ATAD2B: variants seen among roughly 807,000 people sequenced by gnomAD.
The protein encoded by ATAD2B is ATPase family AAA domain-containing protein 2B.
In ATAD2B, 40 loss-of-function variants were observed where a neutral mutation model predicts 167.6. The ratio of observed to expected loss-of-function variants is 0.24; its 90% CI spans 0.19 to 0.31. ATAD2B has a LOEUF of 0.31. Ranked by LOEUF, ATAD2B falls within the 10% of genes least tolerant of loss-of-function variation. The pLI, the probability that ATAD2B is intolerant of heterozygous loss-of-function variation, is 1.00. For synonymous variants in ATAD2B, 579 were observed against 596.5 expected, an observed-to-expected ratio of 0.97 and a Z score of 0.43; for missense variants, 1,242 against 1,757.2, an observed-to-expected ratio of 0.71 and a Z score of 5.24.
At chr2:23,709,780 G>A in the ATAD2B span, among the ~76,000 whole-genome samples, 1 of 152,172 alleles carries the variant, frequency 6.6e-6, no homozygotes, top group South Asian at 2.1e-4. Context: ...CCTAAAGGAT[G>A]GCGAATGTCT....
At chr2:23,899,324 C>T (rs1244995138) in intron 1 of ATAD2B, among the ~76,000 whole-genome samples, 1 of 139,908 alleles carries the variant, frequency 7.1e-6, no homozygotes, top group Non-Finnish European at 1.6e-5. Context: ...AAAAAAAAGC[C>T]ACAAGGCCAC....
rs757248671 is a variant in ATAD2B at position 23,887,895 on chromosome 2, C to A, written c.509G>T (p.Arg170Leu). The A allele has an allele frequency of 6.2e-7, 1 of 1,610,662 alleles. No individual in the cohort carries two copies. Among genetic ancestry groups the A allele is most frequent in the Admixed American group, 1.7e-5 (1 of 59,224 alleles). Residue 170 changes from arginine (R) to leucine (L), a missense_variant, in exon 4 of 28, where the codon CGT becomes CTT. Physicochemically the swap from Arg to Leu is moderately radical, Grantham distance 102. This residue lies in a region of ATAD2B where 99 missense variants were observed against 160.4 expected (regional missense o/e 0.62). Transcript: ENST00000238789. ...NGDMEVRKSC[R>L]SRKNRFESVN... is the part of the protein sequence containing the mutation. ...ACTTTCAAATCTGTTTTTCCTGGAA[C>A]GACAACTTTTTCTGACTTCCATGTC...
chr2:23,722,789 A>G, the ATAD2B span, among the ~76,000 whole-genome samples: 1 of 152,190 alleles, frequency 6.6e-6, no homozygotes, highest in South Asian at 2.1e-4. Flanking sequence ...TAAAATTGAC[A>G]AAATTTAAAA....
chr2:23,896,243 T>G (rs557093200), intron 1 of ATAD2B, among the ~76,000 whole-genome samples: 1 of 151,560 alleles, frequency 6.6e-6, no homozygotes, highest in Non-Finnish European at 1.5e-5. Context: ...GAGAATCGCT[T>G]GAACCCAGGA....
the ATAD2B span, among the ~76,000 whole-genome samples, chr2:23,737,679 C>A: frequency 6.6e-6 from 1 of 152,138 alleles, no homozygotes; most frequent in East Asian, 1.9e-4. Flanking sequence ...TCACTAGCAA[C>A]GGAACAAAGC....
chr2:23,713,514 T>C, the ATAD2B span, among the ~76,000 whole-genome samples: 3 of 152,142 alleles, frequency 2.0e-5, no homozygotes, highest in South Asian at 2.1e-4. Flanking sequence ...TAACCACTAA[T>C]TGCAGAACAC....
At chr2:23,925,682 A>G (rs1032232635) in intron 1 of ATAD2B, among the ~76,000 whole-genome samples, 1 of 152,248 alleles carries the variant, frequency 6.6e-6, no homozygotes, top group Non-Finnish European at 1.5e-5. Flanking sequence ...AGGTAATAAA[A>G]TTTCAAGATC....
intron 1 of ATAD2B, among the ~76,000 whole-genome samples, chr2:23,918,320 G>C (rs947625582): frequency 6.6e-6 from 1 of 151,710 alleles, no homozygotes; most frequent in African/African-American, 2.4e-5. Flanking sequence ...GCAACGAGCT[G>C]TGATTGCACT....
chr2:23,811,692 C>A (rs182507787), intron 17 of ATAD2B, among the ~76,000 whole-genome samples: 1 of 152,062 alleles, frequency 6.6e-6, no homozygotes, highest in African/African-American at 2.4e-5. Context: ...CACATGTATA[C>A]CTACGTAACA....
At chr2:23,815,580 T>C (rs1357814932) in intron 17 of ATAD2B, among the ~76,000 whole-genome samples, 1 of 152,126 alleles carries the variant, frequency 6.6e-6, no homozygotes, top group Non-Finnish European at 1.5e-5. Context: ...TGGTAGTCAT[T>C]AACACAGAGA....
At chr2:23,914,461 G>A (rs1702735521) in intron 1 of ATAD2B, among the ~76,000 whole-genome samples, 1 of 152,092 alleles carries the variant, frequency 6.6e-6, no homozygotes, top group Admixed American at 6.6e-5. Flanking sequence ...AAGTTAGTAT[G>A]GACATAAAGA....
intron 17 of ATAD2B, among the ~76,000 whole-genome samples, chr2:23,818,107 ACACACAC>A (rs1686766095): frequency 7.7e-6 from 1 of 129,078 alleles, no homozygotes; most frequent in African/African-American, 2.9e-5. Flanking sequence ...ACACACACAC[ACACACAC>A]ACACACATTA....
At chr2:23,693,188 G>T in the ATAD2B span, 1 of 1,466,948 alleles carries the variant, frequency 6.8e-7, no homozygotes, top group South Asian at 1.4e-5. Flanking sequence ...TTCAGAGAAG[G>T]ATCTAGGGTG....
At chr2:23,809,293 G>A (rs1247129973) in intron 18 of ATAD2B, 1 of 152,110 alleles carries the variant, frequency 6.6e-6, no homozygotes, top group African/African-American at 2.4e-5. Context: ...TAATTCAAGG[G>A]TTTTGGAAAG....
At chr2:23,734,465 T>G in the ATAD2B span, among the ~76,000 whole-genome samples, 1 of 152,136 alleles carries the variant, frequency 6.6e-6, no homozygotes, top group African/African-American at 2.4e-5. Flanking sequence ...CAGTCAATAC[T>G]GGGTAATTTA....
intron 18 of ATAD2B, among the ~76,000 whole-genome samples, chr2:23,799,590 G>GAAA (rs906762582): frequency 7.5e-6 from 1 of 133,246 alleles, no homozygotes; most frequent in African/African-American, 2.9e-5. Flanking sequence ...AAAAAAAAAA[G>GAAA]AAAAGAAAAA....
At chr2:23,808,068 A>AATATATAATTATATATATAATTAT (rs1684830240) in intron 18 of ATAD2B, among the ~76,000 whole-genome samples, 8 of 60,952 alleles carry the variant, frequency 1.3e-4, no homozygotes, top group East Asian at 3.8e-4. Context: ...TATAAATTAT[A>AATATATAATTATATATATAATTAT]ATATATAAGT....
In ATAD2B at chr2:23,883,542, A is replaced by G. The variant is rs1339557076; in HGVS notation, c.784+1223T>C. On this transcript the variant is annotated intron_variant, in intron 6 of 27. Coordinates refer to ENST00000238789, the MANE Select transcript of ATAD2B (RefSeq NM_017552.4). ...GGCATATCTACTTTGGAAACTCTACAAAGATGTTCAGTTAATGAAAAGGCA... is the reference window on the plus strand; with the variant it reads ...GGCATATCTACTTTGGAAACTCTACGAAGATGTTCAGTTAATGAAAAGGCA... 4 of 1,083,238 alleles carry G rather than the reference A, an allele frequency of 3.7e-6. No individual in the cohort carries two copies. The Admixed American group carries it at 1.1e-4, about 31-fold the overall frequency. The allele number at this position is 1,083,238 out of a possible 1,614,324, so 67.1% of individuals were successfully genotyped here.
chr2:23,864,445 A>G (rs1371993734), intron 11 of ATAD2B, among the ~76,000 whole-genome samples: 1 of 152,236 alleles, frequency 6.6e-6, no homozygotes, highest in Admixed American at 6.5e-5. Context: ...AAAATACTCC[A>G]TCATCAAGTC....
Sources: allele counts gnomAD v4.1 joint callset (sites outside exome capture counted in the v4.1 genomes callset), GRCh38; gene constraint gnomAD v4.1.1; regional missense constraint gnomAD v4.1.1; transcripts MANE v1.5; gene names NCBI Gene and HGNC (gene_info 2026-07-23, HGNC 2026-07-21).